The following CFAP43 variants were observed in gnomAD, a reference collection of about 807,000 sequenced individuals.
CFAP43 encodes the protein cilia- and flagella-associated protein 43.
CFAP43 carries 155 observed loss-of-function variants against 218.9 expected under a neutral mutation model. The ratio of observed to expected loss-of-function variants is 0.71; its 90% CI spans 0.62 to 0.81. CFAP43 has a LOEUF of 0.81. Ranked by LOEUF, CFAP43 falls within the 30% of genes least tolerant of loss-of-function variation. The probability of loss-of-function intolerance (pLI) is 0.00; values close to 1 mark genes in which losing one functional copy is unlikely to be tolerated. For missense variants in CFAP43, 1,778 were observed against 1,954.3 expected (o/e 0.91, Z 1.70); for synonymous variants, 645 against 681.3 (o/e 0.95, Z 0.83).
At chr10:104,223,965 G>C (rs1450080905) in intron 3 of CFAP43, among the ~76,000 whole-genome samples, 1 of 152,190 alleles carries the variant, frequency 6.6e-6, no homozygotes, top group Admixed American at 6.5e-5. Context: ...GCAAACTAGA[G>C]TGACAGAAAC....
intron 3 of CFAP43, among the ~76,000 whole-genome samples, chr10:104,214,875 C>T (rs1384217130): frequency 2.6e-5 from 4 of 152,254 alleles, no homozygotes; most frequent in Admixed American, 6.5e-5. Flanking sequence ...CGGTGGCTCA[C>T]GCCTGTAATC....
intron 34 of CFAP43, 99 bp downstream of exon 34, chr10:104,140,743 A>G: frequency 1.1e-6 from 1 of 932,370 alleles, no homozygotes; most frequent in Non-Finnish European, 1.5e-6. Context: ...AGCCTAGCTA[A>G]GGGTTAAGGC....
chr10:104,156,854 T>C (rs1342523578), intron 27 of CFAP43, among the ~76,000 whole-genome samples: 1 of 152,188 alleles, frequency 6.6e-6, no homozygotes, highest in Non-Finnish European at 1.5e-5. Context: ...AGATGGGGTT[T>C]ATATGGCTAA....
intron 10 of CFAP43, among the ~76,000 whole-genome samples, chr10:104,195,219 C>T (rs544243869): frequency 1.3e-5 from 2 of 152,248 alleles, no homozygotes; most frequent in South Asian, 4.1e-4. Flanking sequence ...GGCAGAGAGA[C>T]CTGGCATCAG....
chr10:104,231,684 A>G (rs1194774161), intron 1 of CFAP43, among the ~76,000 whole-genome samples: 3 of 152,168 alleles, frequency 2.0e-5, no homozygotes, highest in Non-Finnish European at 2.9e-5. Context: ...ATATCTGCGC[A>G]GTGCTTGATG....
At chr10:104,219,787 C>T (rs1478155057) in intron 3 of CFAP43, among the ~76,000 whole-genome samples, 1 of 152,200 alleles carries the variant, frequency 6.6e-6, no homozygotes. Context: ...CTCTTGTTCC[C>T]GTTATCATGA....
intron 6 of CFAP43, among the ~76,000 whole-genome samples, chr10:104,206,625 G>C (rs1008230365): frequency 1.3e-5 from 2 of 152,192 alleles, no homozygotes; most frequent in Non-Finnish European, 2.9e-5. Flanking sequence ...TGTAGATTAA[G>C]GTCAGTGAAG....
In CFAP43 at chr10:104,185,971, T is replaced by A. The variant is rs2090015426; in HGVS notation, c.2010+3A>T. ...AATATTTTTTTTTAAGAAAGCAGCT[T>A]ACCAAAGTATAAACGTCTCGGATAC... On this transcript the variant is annotated splice_donor_region_variant and intron_variant, in intron 15 of 37. Coordinates refer to ENST00000357060, the MANE Select transcript of CFAP43 (RefSeq NM_025145.7). The A allele has an allele frequency of 6.2e-7, 1 of 1,610,222 alleles. No individual in the cohort carries two copies. The highest frequency in any genetic ancestry group is 1.3e-5 in the African/African-American group (1 of 74,738).
chr10:104,146,902 G>A lies in CFAP43; in HGVS notation c.3769-553C>T, dbSNP rs369983119. Among the ~76,000 whole-genome samples the A allele has an allele frequency of 6.6e-5, 10 of 152,040 alleles. No homozygotes were observed. The East Asian group carries it at 9.6e-4, about 15-fold the overall frequency. ...CTAAACCAGTAAAATGAGTTGTCCCGCTTCTAATTGGTTTGCCTCTAGCTT... is the reference window on the plus strand; with the variant it reads ...CTAAACCAGTAAAATGAGTTGTCCCACTTCTAATTGGTTTGCCTCTAGCTT... On this transcript the variant is annotated intron_variant, in intron 29 of 37. Transcript: ENST00000357060.
intron 2 of CFAP43, among the ~76,000 whole-genome samples, chr10:104,227,731 A>G (rs1263735771): frequency 1.3e-5 from 2 of 151,942 alleles, no homozygotes; most frequent in Admixed American, 6.6e-5. Context: ...AATCAGTTTA[A>G]AACAGATATA....
rs1405140927 is a variant in CFAP43 at position 104,180,978 on chromosome 10, C to A, written c.2290-1046G>T. On this transcript the variant is annotated intron_variant, in intron 17 of 37. Transcript: ENST00000357060. ...CTTACCTAGTGTTATGGCTTTAAAT[C>A]CCATCCGCATGCCCTTGACTCAAAT... 2.0e-5 allele frequency among the ~76,000 whole-genome samples: 3 copies of A among 152,208 alleles called. No individual in the cohort carries two copies. In the East Asian group the frequency reaches 5.8e-4, roughly 29 times the overall value.
At chr10:104,145,658 G>C (rs1345770054) in intron 30 of CFAP43, 94 bp from the exon 31 acceptor site, 4 of 752,840 alleles carry the variant, frequency 5.3e-6, no homozygotes, top group Non-Finnish European at 6.3e-6. Flanking sequence ...GTAGCACTTT[G>C]GTTTTAAAAA....
rs181940201 is a variant in CFAP43, at chr10:104,207,769, G to A, written c.791C>T (p.Thr264Ile). The change falls in exon 6 of 38, where the codon ACA becomes ATA. Residue 264 changes from threonine (T) to isoleucine (I), a missense_variant. Transcript: ENST00000357060. Reference sequence around the variant, plus strand: ...TTCACAGCCAATGTACAAGTCACTTGTTGGAGTCCAGCAATGCATAGTCGG... The same window carrying A: ...TTCACAGCCAATGTACAAGTCACTTATTGGAGTCCAGCAATGCATAGTCGG... ...LHPTMHCWTP[T>I]SDLYIGCEEG... 49 of 1,614,170 alleles carry A rather than the reference G, an allele frequency of 3.0e-5. No homozygotes were observed. In the Admixed American group the frequency reaches 6.3e-4, roughly 21 times the overall value.
intron 1 of CFAP43, 46 bp from the exon 2 acceptor site, chr10:104,230,889 CTT>C (rs749012597): frequency 2.3e-4 from 284 of 1,229,664 alleles, no homozygotes; most frequent in Admixed American, 5.0e-4. Flanking sequence ...ATTTCAAATA[CTT>C]TTTTTTTTTT....
chr10:104,184,462 C>CTTTTT (rs34684487), intron 16 of CFAP43, among the ~76,000 whole-genome samples: 4 of 142,080 alleles, frequency 2.8e-5, no homozygotes, highest in African/African-American at 2.6e-5. Flanking sequence ...TTAACTATGT[C>CTTTTT]TTTTTTTTTT....
intron 2 of CFAP43, among the ~76,000 whole-genome samples, chr10:104,226,341 C>T (rs1353520965): frequency 6.6e-6 from 1 of 152,014 alleles, no homozygotes; most frequent in Admixed American, 6.6e-5. Context: ...ATAATATAAT[C>T]CTAAAATTTT....
chr10:104,177,686 T>C (rs796528091), intron 19 of CFAP43, among the ~76,000 whole-genome samples: 11 of 152,210 alleles, frequency 7.2e-5, no homozygotes, highest in African/African-American at 2.6e-4. Flanking sequence ...TCATCGAACA[T>C]ATCAAGGTGC....
chr10:104,178,954 A>T, intron 19 of CFAP43, 75 bp downstream of exon 19: 1 of 1,126,142 alleles, frequency 8.9e-7, no homozygotes. Flanking sequence ...TCCTCAGGGT[A>T]GAACAAAATT....
chr10:104,205,835 G>A (rs2134956633), intron 7 of CFAP43, 128 bp downstream of exon 7: 2 of 787,660 alleles, frequency 2.5e-6, no homozygotes, highest in South Asian at 3.3e-5. Context: ...TACCCAAAGA[G>A]GAAACCATTT....
Sources: allele counts gnomAD v4.1 joint callset (sites outside exome capture counted in the v4.1 genomes callset), GRCh38; gene constraint gnomAD v4.1.1; transcripts MANE v1.5; gene names NCBI Gene and HGNC (gene_info 2026-07-23, HGNC 2026-07-21).